GPAM: variants seen among roughly 807,000 people sequenced by gnomAD.
GPAM encodes glycerol-3-phosphate acyltransferase, mitochondrial, also known as glycerol-3-phosphate acyltransferase 1, mitochondrial.
A neutral mutation model predicts 105.0 loss-of-function variants in GPAM; 56 were observed. The ratio of observed to expected loss-of-function variants is 0.53; its 90% CI spans 0.43 to 0.67. The LOEUF (loss-of-function observed/expected upper bound fraction) is 0.67. GPAM is among the 30% of genes least tolerant of loss of function. GPAM has a pLI of 0.00. For synonymous variants in GPAM, 368 were observed against 354.4 expected, an observed-to-expected ratio of 1.04 and a Z score of -0.43; for missense variants, 855 against 989.8, an observed-to-expected ratio of 0.86 and a Z score of 1.83.
At chr10:112,164,933 G>A (rs532888255) in intron 12 of GPAM, among the ~76,000 whole-genome samples, 1 of 152,204 alleles carries the variant, frequency 6.6e-6, no homozygotes, top group African/African-American at 2.4e-5. Context: ...TAATAGTGAT[G>A]ATAGACATAA....
chr10:112,178,162 A>C (rs1847440996), intron 4 of GPAM, 105 bp from the exon 5 acceptor site: 2 of 675,274 alleles, frequency 3.0e-6, no homozygotes, highest in Admixed American at 5.1e-5. Flanking sequence ...ATAAAAACAG[A>C]TATTGCCTCA....
At chr10:112,215,588 G>C (rs1319703094), upstream of GPAM, among the ~76,000 whole-genome samples, 1 of 152,092 alleles carries the variant, frequency 6.6e-6, no homozygotes, top group Non-Finnish European at 1.5e-5. Context: ...GCATTGCCTG[G>C]TGGGGATTTT....
At chr10:112,172,902 C>G (rs1847337142) in intron 8 of GPAM, 68 bp downstream of exon 8, 2 of 868,308 alleles carry the variant, frequency 2.3e-6, no homozygotes, top group Non-Finnish European at 4.0e-6. Flanking sequence ...AAAACATTTC[C>G]ACAAGAACCC....
intron 21 of GPAM, 47 bp downstream of exon 21, chr10:112,154,582 G>T: frequency 7.6e-7 from 1 of 1,311,848 alleles, no homozygotes; most frequent in Non-Finnish European, 1.1e-6. Flanking sequence ...GATCTAAAGA[G>T]AACAGAAGTT....
rs527358960 is a variant in GPAM at position 112,199,400 on chromosome 10, G to T, written n.210+15768C>A. 2.0e-5 allele frequency among the ~76,000 whole-genome samples: 3 copies of T among 152,318 alleles called. No individual in the cohort carries two copies. In the South Asian group the frequency reaches 6.2e-4, roughly 32 times the overall value. Reference sequence around the variant, plus strand: ...GTGGTTATCAGCAGCTGCAGGAGGAGATGGGAAATGAGATGTTGGTCAAAG... The same window carrying T: ...GTGGTTATCAGCAGCTGCAGGAGGATATGGGAAATGAGATGTTGGTCAAAG... On this transcript the variant is annotated intron_variant and non_coding_transcript_variant, in intron 1 of 3. Transcript: ENST00000480130.
upstream of GPAM, chr10:112,183,787 C>A (rs1847553178): frequency 6.6e-6 from 1 of 152,262 alleles, no homozygotes. Flanking sequence ...GCAACCGGCG[C>A]GTGGCATTGA....
At chr10:112,185,598 A>T (rs1223072877), upstream of GPAM, among the ~76,000 whole-genome samples, 1 of 146,746 alleles carries the variant, frequency 6.8e-6, no homozygotes, top group Non-Finnish European at 1.5e-5. Context: ...ACACACACAC[A>T]CACACACACA....
chr10:112,154,837 C>T, intron 20 of GPAM, 150 bp from the exon 21 acceptor site: 1 of 696,184 alleles, frequency 1.4e-6, no homozygotes, highest in Non-Finnish European at 2.6e-6. Flanking sequence ...CCACTGGCAA[C>T]CTGTGAGTTC....
Position 112,151,861 on chromosome 10 carries a change from T to C in GPAM, c.*1689A>G, listed in dbSNP as rs1846926234. On this transcript the variant is annotated 3_prime_UTR_variant, in exon 22 of 22. Transcript: ENST00000348367. ...TTCTACCCTAGTCAGTAAAATGGAA[T>C]GCTAAAACATGATATCTCATTCAAC... 1.0e-6 allele frequency: 1 copy of C among 984,664 alleles called. No homozygotes were observed. Among genetic ancestry groups the C allele is most frequent in the Non-Finnish European group, 1.2e-6 (1 of 829,372 alleles). 61.0% of individuals were successfully genotyped at this position (984,664 alleles called of 1,614,324 possible). A position where few individuals can be genotyped will look rare whatever the true frequency, so the allele number is the denominator to read the frequency against.
upstream of GPAM, among the ~76,000 whole-genome samples, chr10:112,218,826 A>ATGGTGCACG (rs1486797012): frequency 6.6e-6 from 1 of 152,184 alleles, no homozygotes; most frequent in East Asian, 1.9e-4. Context: ...GTAAACTGTC[A>ATGGTGCACG]TGGTGCACGT....
At chr10:112,203,969 T>C (rs1165802689) in intron 1 of GPAM, among the ~76,000 whole-genome samples, 1 of 152,168 alleles carries the variant, frequency 6.6e-6, no homozygotes, top group African/African-American at 2.4e-5. Flanking sequence ...TCACCCTGAA[T>C]TCCTTCTCAC....
At chr10:112,155,026 G>C (rs376419651) in intron 20 of GPAM, 1 of 393,586 alleles carries the variant, frequency 2.5e-6, no homozygotes, top group African/African-American at 2.0e-5. Context: ...AAATGAGATA[G>C]TGTATAAATA....
intron 21 of GPAM, chr10:112,153,943 C>T: frequency 2.7e-6 from 1 of 376,500 alleles, no homozygotes; most frequent in South Asian, 2.5e-5. Context: ...CATAACTATA[C>T]TCTAAAATGA....
chr10:112,191,048 C>T (rs1847652474), intron 1 of GPAM, among the ~76,000 whole-genome samples: 1 of 152,176 alleles, frequency 6.6e-6, no homozygotes, highest in Non-Finnish European at 1.5e-5. Context: ...AAGCATAAGG[C>T]ATGCTGGGAC....
At position 112,150,838 on chromosome 10, in the gene GPAM, C is replaced by G. The variant is rs1479402791; in HGVS notation, c.*2712G>C. ...TGGAGTGCTATGGGAAATGCTTTTC[C>G]CCATCCAGGTTACTGGCAATTCCAC... On this transcript the variant is annotated 3_prime_UTR_variant, in exon 22 of 22. Coordinates refer to ENST00000348367, the MANE Select transcript of GPAM (RefSeq NM_001244949.2). 4 of 984,836 alleles carry G rather than the reference C, an allele frequency of 4.1e-6. No individual in the cohort carries two copies. Among genetic ancestry groups the G allele is most frequent in the Non-Finnish European group, 4.8e-6 (4 of 829,396 alleles). 61.0% of individuals were successfully genotyped at this position (984,836 alleles called of 1,614,324 possible). A position where few individuals can be genotyped will look rare whatever the true frequency, so the allele number is the denominator to read the frequency against.
upstream of GPAM, among the ~76,000 whole-genome samples, chr10:112,219,380 G>A (rs556846789): frequency 1.4e-4 from 22 of 152,288 alleles, no homozygotes; most frequent in East Asian, 1.9e-3. Flanking sequence ...TGGGGATGAC[G>A]GAAAGGACAG....
the GPAM span, among the ~76,000 whole-genome samples, chr10:112,224,222 G>A: frequency 2.6e-5 from 4 of 151,612 alleles, no homozygotes; most frequent in Admixed American, 1.3e-4. Flanking sequence ...ATTCTTATCT[G>A]GAGCAAAAAA....
At chr10:112,223,136 C>A in the GPAM span, among the ~76,000 whole-genome samples, 1 of 152,198 alleles carries the variant, frequency 6.6e-6, no homozygotes, top group Admixed American at 6.5e-5. Flanking sequence ...GCTCCTCTGA[C>A]CTAATCCTTC....
At chr10:112,175,533 C>T (rs1847386392) in intron 6 of GPAM, 67 bp downstream of exon 6, 2 of 820,058 alleles carry the variant, frequency 2.4e-6, no homozygotes, top group Non-Finnish European at 4.4e-6. Context: ...CTAAGAATTA[C>T]TTCCCCCTCC....
Sources: allele counts gnomAD v4.1 joint callset (sites outside exome capture counted in the v4.1 genomes callset), GRCh38; gene constraint gnomAD v4.1.1; transcripts MANE v1.5; gene names NCBI Gene and HGNC (gene_info 2026-07-23, HGNC 2026-07-21).